The following INPP5E variants were observed in gnomAD, a reference collection of about 807,000 sequenced individuals.
The protein encoded by INPP5E is inositol polyphosphate-5-phosphatase E, also known as phosphatidylinositol polyphosphate 5-phosphatase type IV.
INPP5E carries 34 observed loss-of-function variants against 50.5 expected under a neutral mutation model. The ratio of observed to expected loss-of-function variants is 0.67; its 90% CI spans 0.51 to 0.90. The LOEUF (loss-of-function observed/expected upper bound fraction) is 0.90. Among genes scored for constraint, INPP5E ranks in the 40% least tolerant of loss-of-function variants. The probability of loss-of-function intolerance (pLI) is 0.00; values close to 1 mark genes in which losing one functional copy is unlikely to be tolerated. For synonymous variants in INPP5E, 447 were observed against 406.0 expected (o/e 1.10, Z -1.21); for missense variants, 942 against 905.5 (o/e 1.04, Z -0.52).
intron 1 of INPP5E, chr9:136,437,256 T>G (rs2131614105): frequency 6.6e-6 from 1 of 152,344 alleles, no homozygotes. Flanking sequence ...AGCTGAACAG[T>G]GATCCCCAAA....
chr9:136,438,946 AC>A lies in INPP5E; in HGVS notation c.473del (p.Gly158ValfsTer40), dbSNP rs779450345. On this transcript the variant is annotated frameshift_variant, in exon 1 of 10. Coordinates refer to ENST00000371712, the MANE Select transcript of INPP5E (RefSeq NM_019892.6). LOFTEE classifies it high-confidence loss of function. ...SSERGSPSSG[G>X]NPLSGVASSS... ...TGCTGGCCACCCCAGAGAGAGGGTT[AC>A]CCCCCGAGGACGGGCTCCCTCTCTC... 1.1e-5 allele frequency: 18 copies of A among 1,568,326 alleles called. No individual in the cohort carries two copies. The highest frequency in any genetic ancestry group is 1.5e-5 in the Non-Finnish European group (17 of 1,157,234).
intron 1 of INPP5E, chr9:136,436,948 A>G (rs1209725871): frequency 6.6e-6 from 1 of 152,228 alleles, no homozygotes; most frequent in Non-Finnish European, 1.5e-5. Flanking sequence ...GAGGGTCCAA[A>G]TTTGAGACAC....
intron 4 of INPP5E, 38 bp from the exon 5 acceptor site, chr9:136,433,113 C>T (rs1482860104): frequency 6.9e-7 from 1 of 1,442,422 alleles, no homozygotes; most frequent in Non-Finnish European, 9.4e-7. Context: ...CTGTGGGACG[C>T]TGCCACCTTC....
Position 136,430,368 on chromosome 9 carries a change from C to T in INPP5E, c.1711G>A (p.Val571Met). The T allele has an allele frequency of 6.4e-7, 1 of 1,556,514 alleles. No individual in the cohort carries two copies. The highest frequency in any genetic ancestry group is 8.7e-7 in the Non-Finnish European group (1 of 1,149,104). The stretch of plus-strand genomic sequence containing the variant: ...ATCCCGGGGCAGGAAGAGTAGCTCA[C>T]AGGACAGATGTCACCCTTGTGGCGG... ...RSRHKGDICPVSYSSCPGIKT... is the reference protein window; with the variant it reads ...RSRHKGDICPMSYSSCPGIKT... Residue 571 changes from valine (V) to methionine (M), a missense_variant, in exon 9 of 10, where the codon GTG (valine) becomes ATG (methionine). By Grantham distance (21) the Val-to-Met change is conservative. Transcript: ENST00000371712.
chr9:136,431,984 C>T lies in INPP5E; in HGVS notation c.1389G>A (p.Ala463=), dbSNP rs779735920. ...CCTCATCGAAGCGGGTGGTGACGTCCGCTGCGGCACAGTGGGCCATGTGTG... is the reference window on the plus strand; with the variant it reads ...CCTCATCGAAGCGGGTGGTGACGTCTGCTGCGGCACAGTGGGCCATGTGTG... ...PDTNPYRSSA[A]DVTTRFDEVF... Residue 463 remains alanine, a splice_region_variant and synonymous_variant, in exon 7 of 10, where the codon GCG becomes GCA. Coordinates refer to ENST00000371712, the MANE Select transcript of INPP5E (RefSeq NM_019892.6). 2.7e-5 allele frequency: 43 copies of T among 1,612,470 alleles called. No homozygotes were observed. Among genetic ancestry groups the T allele is most frequent in the African/African-American group, 4.0e-5 (3 of 74,850 alleles).
intron 1 of INPP5E, 157 bp downstream of exon 1, chr9:136,438,451 G>T: frequency 1.4e-6 from 1 of 696,538 alleles, no homozygotes; most frequent in Non-Finnish European, 2.5e-6. Flanking sequence ...CTGCTGTGGG[G>T]TGGGGCTGGG....
At position 136,438,902 on chromosome 9, in the gene INPP5E, T is replaced by C; in HGVS notation, c.518A>G (p.His173Arg). 1 of 1,580,948 alleles carries C rather than the reference T, an allele frequency of 6.3e-7. No individual in the cohort carries two copies. Among genetic ancestry groups the C allele is most frequent in the Non-Finnish European group, 8.6e-7 (1 of 1,163,972 alleles). Residue 173 changes from histidine to arginine, a missense_variant, in exon 1 of 10, where the codon CAC becomes CGC. Coordinates refer to ENST00000371712, the MANE Select transcript of INPP5E (RefSeq NM_019892.6). The stretch of plus-strand genomic sequence containing the variant: ...GCTCCCCGCCACGGCGGCGTCTCTG[T>C]GCGGGAGGTTCGGGGAGCTGCTGGC... ...GVASSSPNLP[H>R]RDAAVAGSSP...
At chr9:136,432,899 T>A (rs908214949) in intron 5 of INPP5E, 57 bp downstream of exon 5, 3 of 1,593,482 alleles carry the variant, frequency 1.9e-6, no homozygotes, top group African/African-American at 1.3e-5. Flanking sequence ...AGGGTCCCGG[T>A]CAGGAGAGGA....
chr9:136,438,674 GAAC>G lies in INPP5E; in HGVS notation c.743_745del (p.Cys248del). 6.3e-7 allele frequency: 1 copy of G among 1,594,240 alleles called. No individual in the cohort carries two copies. The highest frequency in any genetic ancestry group is 8.5e-7 in the Non-Finnish European group (1 of 1,170,866). On this transcript the variant is annotated inframe_deletion, in exon 1 of 10. Coordinates refer to ENST00000371712, the MANE Select transcript of INPP5E (RefSeq NM_019892.6). ...GAAGGAGGATTTGGCCGAGCGAAGGGAACAGTCGTCGCAGGCCAGGGGGCTCCG... is the reference window on the plus strand; with the variant it reads ...GAAGGAGGATTTGGCCGAGCGAAGGGAGTCGTCGCAGGCCAGGGGGCTCCG...
Position 136,439,130 on chromosome 9 carries a change from C to G in INPP5E, c.290G>C (p.Arg97Pro). The G allele has an allele frequency of 6.3e-7, 1 of 1,585,036 alleles. No individual in the cohort carries two copies. The highest frequency in any genetic ancestry group is 8.6e-7 in the Non-Finnish European group (1 of 1,169,190). The change falls in exon 1 of 10, where the codon CGA becomes CCA. Residue 97 changes from arginine (R) to proline (P), a missense_variant. Coordinates refer to ENST00000371712, the MANE Select transcript of INPP5E (RefSeq NM_019892.6). ...GGCTTCCAGGTCCTCCTGGCTGCCT[C>G]GAAAACGCCTCCTCCTCCAGCCCTT... ...DDKGWRRRRF[R>P]GSQEDLEARN... is the part of the protein sequence containing the mutation.
chr9:136,431,782 CTCTCCTCATCTCCCTCCAT>C, intron 7 of INPP5E, 23 bp downstream of exon 7: 12 of 1,044,006 alleles, frequency 1.1e-5, no homozygotes, highest in Non-Finnish European at 1.3e-5. Context: ...AGGCCCTCAC[CTCTCCTCATCTCCCTCCAT>C]GCCCGCCCCC....
rs1276925971 is a variant in INPP5E at position 136,429,509 on chromosome 9, G to C, written c.*166C>G. ...CACACCGTGTGGACCTGCCACAGAG[G>C]ACAGGCTCGCTCAGGGTTGGCTTCC... On this transcript the variant is annotated 3_prime_UTR_variant, in exon 10 of 10. Transcript: ENST00000371712. 1.1e-6 allele frequency: 1 copy of C among 887,794 alleles called. No homozygotes were observed. Among genetic ancestry groups the C allele is most frequent in the African/African-American group, 1.6e-5 (1 of 61,428 alleles). 55.0% of individuals were successfully genotyped at this position (887,794 alleles called of 1,614,324 possible).
chr9:136,432,139 C>T (rs1412441173), intron 6 of INPP5E, among the ~76,000 whole-genome samples, 154 bp from the exon 7 acceptor site: 1 of 152,156 alleles, frequency 6.6e-6, no homozygotes, highest in Non-Finnish European at 1.5e-5. Flanking sequence ...CGCACTGGGA[C>T]AGTTCCAGAA....
Position 136,439,166 on chromosome 9 carries a change from G to T in INPP5E, c.254C>A (p.Ser85Tyr). ...PARPRLERAL[S>Y]LDDKGWRRRR... Reference sequence around the variant, plus strand: ...CCTCCTCCAGCCCTTGTCGTCCAGGGACAGGGCTCGCTCCAGTCGAGGCCT... The same window carrying T: ...CCTCCTCCAGCCCTTGTCGTCCAGGTACAGGGCTCGCTCCAGTCGAGGCCT... Residue 85 changes from serine to tyrosine, a missense_variant, in exon 1 of 10, where the codon TCC becomes TAC. Physicochemically the swap from Ser to Tyr is moderately radical, Grantham distance 144 (BLOSUM62 -2). Coordinates refer to ENST00000371712, the MANE Select transcript of INPP5E (RefSeq NM_019892.6). The T allele has an allele frequency of 6.4e-7, 1 of 1,565,862 alleles. No homozygotes were observed. The highest frequency in any genetic ancestry group is 2.3e-5 in the East Asian group (1 of 42,800).
Position 136,431,932 on chromosome 9 carries a change from G to T in INPP5E, c.1441C>A (p.Arg481Ser), listed in dbSNP as rs761179746. The change falls in exon 7 of 10, where the codon CGC (arginine) becomes AGC (serine). Residue 481 changes from arginine to serine, a missense_variant. Physicochemically the swap from Arg to Ser is moderately radical, Grantham distance 110. Transcript: ENST00000371712. ...EVFWFGDFNF[R>S]LSGGRTVVDA... The stretch of plus-strand genomic sequence containing the variant: ...ACGACTGTGCGCCCGCCACTCAGGC[G>T]GAAGTTGAAGTCTCCAAACCAGAAC... 6.2e-7 allele frequency: 1 copy of T among 1,611,926 alleles called. No individual in the cohort carries two copies. Among genetic ancestry groups the T allele is most frequent in the African/African-American group, 1.3e-5 (1 of 74,640 alleles).
intron 3 of INPP5E, among the ~76,000 whole-genome samples, chr9:136,433,612 C>T (rs925383853): frequency 6.6e-6 from 1 of 152,180 alleles, no homozygotes; most frequent in African/African-American, 2.4e-5. Context: ...CGGCAGCCAC[C>T]TGCTGTTCCC....
rs77248046 is a variant in INPP5E, at chr9:136,431,044, G to A, written c.1623C>T (p.Asp541=). 1.2e-4 allele frequency: 196 copies of A among 1,613,298 alleles called. No individual in the cohort carries two copies. In the African/African-American group the frequency reaches 2.5e-3, roughly 20 times the overall value. The stretch of plus-strand genomic sequence containing the variant: ...TCTGCTTGGAGGTGCTGTCGTACGT[G>A]TCCTTCCCGATGTCAAACTTGTATG... ...LPSYKFDIGK[D]TYDSTSKQRT... is the part of the protein sequence containing the mutation. The change falls in exon 8 of 10, where the codon GAC becomes GAT. Residue 541 remains aspartate, a synonymous_variant. Transcript: ENST00000371712.
rs764754886 is a variant in INPP5E at position 136,431,821 on chromosome 9, C to A, written c.1549+3G>T. 6.3e-7 allele frequency: 1 copy of A among 1,597,446 alleles called. No individual in the cohort carries two copies. The highest frequency in any genetic ancestry group is 1.1e-5 in the South Asian group (1 of 89,978). On this transcript the variant is annotated splice_donor_region_variant and intron_variant, in intron 7 of 9. Transcript: ENST00000371712. ...CTCCATGCCCGCCCCCCCAGGCCCTCACCTTTCCGCATCTCCCGGATGAGC... is the reference window on the plus strand; with the variant it reads ...CTCCATGCCCGCCCCCCCAGGCCCTAACCTTTCCGCATCTCCCGGATGAGC...
rs1333486899 is a variant in INPP5E at position 136,434,022 on chromosome 9, C to G, written c.1034+15G>C. 1 of 1,593,276 alleles carries G rather than the reference C, an allele frequency of 6.3e-7. No individual in the cohort carries two copies. Among genetic ancestry groups the G allele is most frequent in the Admixed American group, 1.7e-5 (1 of 58,446 alleles). ...AGCCCCTGGGCAGGCACTGCAGGGC[C>G]TGCAGCCGCCCTACCTGTCAGAACA... On this transcript the variant is annotated intron_variant, in intron 3 of 9. Coordinates refer to ENST00000371712, the MANE Select transcript of INPP5E (RefSeq NM_019892.6).
Sources: gnomAD v4.1 joint callset for allele counts (sites outside exome capture counted in the v4.1 genomes callset) on GRCh38, gnomAD v4.1.1 for gene constraint, MANE v1.5 for transcripts, NCBI Gene and HGNC (gene_info 2026-07-23, HGNC 2026-07-21) for gene names.